The following SEC63 variants were observed in gnomAD, a reference collection of about 807,000 sequenced individuals.
The protein encoded by SEC63 is SEC63 protein translocation regulator, also known as translocation protein SEC63 homolog.
A neutral mutation model predicts 116.2 loss-of-function variants in SEC63; 56 were observed. The observed-to-expected ratio is 0.48, with a 90% CI of 0.39 to 0.60. The LOEUF (loss-of-function observed/expected upper bound fraction) is 0.60, where lower values mean the gene tolerates loss of function less well. Ranked by LOEUF, SEC63 falls within the 20% of genes least tolerant of loss-of-function variation. The probability of loss-of-function intolerance (pLI) is 0.00; values close to 1 mark genes in which losing one functional copy is unlikely to be tolerated. For synonymous variants in SEC63, 273 were observed against 294.6 expected, an observed-to-expected ratio of 0.93 and a Z score of 0.75; for missense variants, 668 against 900.0, an observed-to-expected ratio of 0.74 and a Z score of 3.30.
At chr6:107,874,735 G>A (rs1403201662) in intron 19 of SEC63, among the ~76,000 whole-genome samples, 1 of 152,048 alleles carries the variant, frequency 6.6e-6, no homozygotes, top group Admixed American at 6.6e-5. Flanking sequence ...AAGTACAGGG[G>A]CATGATCATG....
intron 1 of SEC63, among the ~76,000 whole-genome samples, chr6:107,942,448 T>G (rs1324644381): frequency 1.3e-5 from 2 of 152,202 alleles, no homozygotes; most frequent in Admixed American, 6.5e-5. Context: ...TTCTTGAGAA[T>G]GATGAACTCC....
intron 4 of SEC63, among the ~76,000 whole-genome samples, chr6:107,915,389 C>T (rs1336150562): frequency 2.6e-5 from 4 of 152,116 alleles, no homozygotes; most frequent in African/African-American, 9.7e-5. Flanking sequence ...AATGCTTTCA[C>T]TAAACTGTAA....
In SEC63 at chr6:107,915,169, T is replaced by C. The variant is rs75030403; in HGVS notation, c.453-1742A>G. On this transcript the variant is annotated intron_variant, in intron 4 of 20. Coordinates refer to ENST00000369002, the MANE Select transcript of SEC63 (RefSeq NM_007214.5). ...CAAGCTTAAACAAGATCAATGATGC[T>C]AACAGAATTTTTGAAAATTCAGTGA... Among the ~76,000 whole-genome samples the C allele has an allele frequency of 2.3e-3, 349 of 152,308 alleles. 1 individual carries two copies. The highest frequency in any genetic ancestry group is 8.0e-3 in the African/African-American group (331 of 41,588).
intron 4 of SEC63, among the ~76,000 whole-genome samples, chr6:107,919,579 T>C (rs577144068): frequency 4.2e-4 from 64 of 152,108 alleles, no homozygotes; most frequent in South Asian, 2.3e-3. Context: ...TCCCAGCACT[T>C]TGGGAGGCCA....
chr6:107,955,953 T>C (rs1421520535), intron 1 of SEC63: 1 of 406,456 alleles, frequency 2.5e-6, no homozygotes, highest in Non-Finnish European at 5.0e-6. Context: ...AATTTTATAA[T>C]ACGAAACTCA....
intron 16 of SEC63, among the ~76,000 whole-genome samples, chr6:107,889,465 A>G (rs1029318923): frequency 6.6e-6 from 1 of 151,718 alleles, no homozygotes; most frequent in South Asian, 2.1e-4. Flanking sequence ...TATTGCATCT[A>G]TTTGATTCTT....
chr6:107,872,209 T>A (rs1397559409), intron 20 of SEC63, among the ~76,000 whole-genome samples: 1 of 152,196 alleles, frequency 6.6e-6, no homozygotes, highest in Non-Finnish European at 1.5e-5. Context: ...CGAGACATTT[T>A]GCAGTCTCTA....
intron 4 of SEC63, among the ~76,000 whole-genome samples, chr6:107,919,189 G>T (rs1787487777): frequency 6.6e-6 from 1 of 152,160 alleles, no homozygotes; most frequent in African/African-American, 2.4e-5. Flanking sequence ...GGGATTACAG[G>T]CATGAGCTAC....
chr6:107,924,821 A>C lies in SEC63; in HGVS notation c.336T>G (p.Asp112Glu). The C allele has an allele frequency of 1.4e-6, 2 of 1,442,360 alleles. No homozygotes were observed. Among genetic ancestry groups the C allele is most frequent in the Non-Finnish European group, 2.0e-6 (2 of 1,023,514 alleles). The allele number at this position is 1,442,360 out of a possible 1,614,324, so 89.3% of individuals were successfully genotyped here. The change falls in exon 3 of 21, where the codon GAT becomes GAG. Residue 112 changes from aspartate to glutamate, a missense_variant. Asp to Glu is a conservative substitution (Grantham distance 45). Coordinates refer to ENST00000369002, the MANE Select transcript of SEC63 (RefSeq NM_007214.5). ...EYNPYEVLNL[D>E]PGATVAEIKK... The stretch of plus-strand genomic sequence containing the variant: ...ATTATATAAAAATACTACTTACAGG[A>C]TCCAAATTTAATACTTCATAAGGAT...
intron 1 of SEC63, 74 bp downstream of exon 1, chr6:107,957,812 A>G (rs1770741462): frequency 7.2e-7 from 1 of 1,381,242 alleles, no homozygotes; most frequent in Admixed American, 3.3e-5. Flanking sequence ...GGGGCCGGGC[A>G]AGCGGGCGCC....
At position 107,958,177 on chromosome 6, in the gene SEC63, G is replaced by A; in HGVS notation, c.-168C>T. The A allele has an allele frequency of 2.9e-6, 3 of 1,028,172 alleles. No individual in the cohort carries two copies. The highest frequency in any genetic ancestry group is 1.4e-5 in the South Asian group (1 of 69,178). The allele number at this position is 1,028,172 out of a possible 1,614,324, so 63.7% of individuals were successfully genotyped here. A position where few individuals can be genotyped will look rare whatever the true frequency, so the allele number is the denominator to read the frequency against. Reference sequence around the variant, plus strand: ...CGGACACGCCGCCGCCACCTCTGCCGCTGCCGCCGCCGTCGCCAGCTCTCG... The same window carrying A: ...CGGACACGCCGCCGCCACCTCTGCCACTGCCGCCGCCGTCGCCAGCTCTCG... On this transcript the variant is annotated 5_prime_UTR_variant, in exon 1 of 21. Coordinates refer to ENST00000369002, the MANE Select transcript of SEC63 (RefSeq NM_007214.5).
At chr6:107,901,891 C>T (rs1464002344) in intron 12 of SEC63, among the ~76,000 whole-genome samples, 1 of 151,904 alleles carries the variant, frequency 6.6e-6, no homozygotes, top group Non-Finnish European at 1.5e-5. Flanking sequence ...ATTAACAAAC[C>T]TTTAATAATA....
At chr6:107,912,575 ACT>A (rs1787306590) in intron 6 of SEC63, 139 bp downstream of exon 6, 6 of 687,126 alleles carry the variant, frequency 8.7e-6, no homozygotes, top group African/African-American at 1.8e-5. Flanking sequence ...ATAGAGCAAG[ACT>A]CTGTCTCAAA....
chr6:107,935,108 G>A (rs1367863698), intron 1 of SEC63, among the ~76,000 whole-genome samples: 14 of 140,454 alleles, frequency 1.0e-4, no homozygotes, highest in Non-Finnish European at 1.7e-4. Flanking sequence ...TGCCCCGTCC[G>A]GGAGGGAGGT....
chr6:107,924,260 T>A (rs1197175875), intron 3 of SEC63, among the ~76,000 whole-genome samples: 1 of 128,736 alleles, frequency 7.8e-6, no homozygotes, highest in Admixed American at 8.6e-5. Flanking sequence ...CAAAACTCCG[T>A]CTCAAAAAAA....
chr6:107,919,277 C>T (rs1787490561), intron 4 of SEC63, among the ~76,000 whole-genome samples: 1 of 152,132 alleles, frequency 6.6e-6, no homozygotes, highest in Non-Finnish European at 1.5e-5. Context: ...AAAGTCACTA[C>T]AGATGTGCTA....
chr6:107,933,432 C>T (rs898635120), intron 1 of SEC63, among the ~76,000 whole-genome samples: 1 of 152,084 alleles, frequency 6.6e-6, no homozygotes, highest in Non-Finnish European at 1.5e-5. Context: ...CGGTGAGCAT[C>T]GCCAGAAAAA....
At position 107,883,118 on chromosome 6, in the gene SEC63, T is replaced by A. The variant is rs199837271; in HGVS notation, c.1703A>T (p.Glu568Val). ...AGAATCACTGCCCTTATCTGAAACT[T>A]CTTCTTCATCTTCCTTTACTGCAGC... The part of the protein sequence containing the change: ...NEAAVKEDEE[E>V]VSDKGSDSEE... The change falls in exon 17 of 21, where the codon GAA becomes GTA. Residue 568 changes from glutamate to valine, a missense_variant. Physicochemically the swap from Glu to Val is moderately radical, Grantham distance 121. This residue lies in a region of SEC63 where 430 missense variants were observed against 557.5 expected (regional missense o/e 0.77). Transcript: ENST00000369002. 51 of 1,604,238 alleles carry A rather than the reference T, an allele frequency of 3.2e-5. No individual in the cohort carries two copies. The highest frequency in any genetic ancestry group is 8.4e-5 in the Admixed American group (5 of 59,874).
intron 7 of SEC63, among the ~76,000 whole-genome samples, chr6:107,910,281 C>A (rs370345764): frequency 6.6e-6 from 1 of 151,988 alleles, no homozygotes; most frequent in Non-Finnish European, 1.5e-5. Context: ...GCCTGGGCAA[C>A]GTGGCAAGAC....
Sources: gnomAD v4.1 joint callset for allele counts (sites outside exome capture counted in the v4.1 genomes callset) on GRCh38, gnomAD v4.1.1 for gene constraint, gnomAD v4.1.1 regional missense constraint, MANE v1.5 for transcripts, NCBI Gene and HGNC (gene_info 2026-07-23, HGNC 2026-07-21) for gene names.